OLFM1: variants seen among roughly 807,000 people sequenced by gnomAD.
OLFM1 encodes the protein olfactomedin 1.
Under a neutral mutation model 49.7 loss-of-function variants are expected in OLFM1, and 9 were observed. The observed-to-expected ratio is 0.18, with a 90% CI of 0.11 to 0.32. The LOEUF is 0.32. OLFM1 is among the 10% of genes least tolerant of loss of function. The probability of loss-of-function intolerance (pLI) is 1.00; values close to 1 mark genes in which losing one functional copy is unlikely to be tolerated. For synonymous variants in OLFM1, 240 were observed against 271.8 expected (o/e 0.88, Z 1.15); for missense variants, 369 against 661.8 (o/e 0.56, Z 4.85).
At chr9:135,084,446 T>TC (rs1266531419), upstream of OLFM1, among the ~76,000 whole-genome samples, 446 of 37,528 alleles carry the variant, frequency 0.012, 21 homozygotes, top group African/African-American at 0.079. This position sits in a 1 kb window ranked among gnomAD's most constrained non-coding sequence, Gnocchi z 4.6. Flanking sequence ...CTCTATTATC[T>TC]CTCCTCTCTG....
Position 135,120,415 on chromosome 9 carries a change from C to T in OLFM1, c.*237C>T, listed in dbSNP as rs529339279. 8.0e-5 allele frequency: 45 copies of T among 563,690 alleles called. No individual in the cohort carries two copies. Among genetic ancestry groups the T allele is most frequent in the Non-Finnish European group, 1.1e-4 (36 of 317,496 alleles). 34.9% of individuals were successfully genotyped at this position (563,690 alleles called of 1,614,324 possible). A position where few individuals can be genotyped will look rare whatever the true frequency, so the allele number is the denominator to read the frequency against. ...GCTGGAACTGCAGCCCACGGCGCCC[C>T]GGTTTTCCTCCCCGCCCTGTCCCTC... On this transcript the variant is annotated 3_prime_UTR_variant, in exon 6 of 6. Transcript: ENST00000371793.
chr9:135,087,426 C>A (rs954968424), upstream of OLFM1: 2 of 1,544,110 alleles, frequency 1.3e-6, no homozygotes, highest in Admixed American at 2.0e-5. Context: ...CAGCTGGAGT[C>A]CCCGCGCCGC....
Position 135,098,099 on chromosome 9 carries a change from C to G in OLFM1, c.457-187C>G. ...TTCTAAACTGACAATAAAGACCTTT[C>G]CCAAATATGCTGGTGTTCTGAGGAC... On this transcript the variant is annotated intron_variant, in intron 3 of 5. Transcript: ENST00000371793. This position sits in a 1 kb window ranked among gnomAD's most constrained non-coding sequence, Gnocchi z 5.6. The G allele has an allele frequency of 1.4e-6, 2 of 1,432,244 alleles. No homozygotes were observed. Among genetic ancestry groups the G allele is most frequent in the Non-Finnish European group, 1.8e-6 (2 of 1,100,136 alleles). 88.7% of individuals were successfully genotyped at this position (1,432,244 alleles called of 1,614,324 possible).
upstream of OLFM1, chr9:135,087,197 G>A: frequency 7.2e-7 from 1 of 1,391,588 alleles, no homozygotes; most frequent in South Asian, 1.6e-5. Flanking sequence ...GAGTCTGGCT[G>A]CTTTTCGGAG....
chr9:135,096,232 CCTT>C (rs1362106139), intron 3 of OLFM1, among the ~76,000 whole-genome samples: 7 of 136,752 alleles, frequency 5.1e-5, no homozygotes, highest in African/African-American at 1.4e-4. Context: ...TCCTCCCTCT[CCTT>C]CTTCTCCTCC....
At chr9:135,100,193 A>C (rs1447817426) in intron 4 of OLFM1, among the ~76,000 whole-genome samples, 2 of 152,220 alleles carry the variant, frequency 1.3e-5, no homozygotes, top group African/African-American at 2.4e-5. Flanking sequence ...CACATTTTCC[A>C]ATCAAGGAAT....
intron 4 of OLFM1, among the ~76,000 whole-genome samples, chr9:135,101,164 G>A (rs949634400): frequency 6.6e-6 from 1 of 152,184 alleles, no homozygotes; most frequent in Non-Finnish European, 1.5e-5. Flanking sequence ...CTTCTGCAAG[G>A]TGGAGCCGGC....
chr9:135,089,403 C>T (rs1367110982), intron 1 of OLFM1, among the ~76,000 whole-genome samples: 1 of 152,068 alleles, frequency 6.6e-6, no homozygotes, highest in Admixed American at 6.5e-5. Flanking sequence ...TCAGGAGTGC[C>T]CGCCCCGGTA....
At position 135,087,985 on chromosome 9, in the gene OLFM1, G is replaced by A. The variant is rs749923439; in HGVS notation, c.-5G>A. 76 of 1,442,946 alleles carry A rather than the reference G, an allele frequency of 5.3e-5. No homozygotes were observed. Among genetic ancestry groups the A allele is most frequent in the Non-Finnish European group, 6.8e-5 (74 of 1,088,162 alleles). The allele number at this position is 1,442,946 out of a possible 1,614,324, so 89.4% of individuals were successfully genotyped here. On this transcript the variant is annotated 5_prime_UTR_variant, in exon 1 of 6. Transcript: ENST00000371793. ...GAGCGGGCGCTGGAGGCAGCTCGAG[G>A]CGCGATGTCGGTGCCGCTGCTCAAG...
At chr9:135,087,208 C>G, upstream of OLFM1, 1 of 1,394,912 alleles carries the variant, frequency 7.2e-7, no homozygotes, top group Non-Finnish European at 9.3e-7. Flanking sequence ...CTTTTCGGAG[C>G]CTGCCCTGCC....
chr9:135,085,389 C>T (rs648988), upstream of OLFM1, among the ~76,000 whole-genome samples: 96,485 of 152,200 alleles, frequency 0.63, 30,902 homozygotes, highest in Middle Eastern at 0.72. Flanking sequence ...ACGAGGATGC[C>T]ACCATGTGTA....
In OLFM1 at chr9:135,106,875, A is replaced by G; in HGVS notation, c.783+20A>G. ...AACCGGGTGAGTGTCCCCTTATGTC[A>G]TAGGGGGTCATTTGGGCAAGGGCGC... is the stretch of plus-strand genomic sequence containing the variant. On this transcript the variant is annotated intron_variant, in intron 5 of 5. Coordinates refer to ENST00000371793, the MANE Select transcript of OLFM1 (RefSeq NM_001282611.2). 6.3e-7 allele frequency: 1 copy of G among 1,576,028 alleles called. No homozygotes were observed. The highest frequency in any genetic ancestry group is 8.6e-7 in the Non-Finnish European group (1 of 1,158,084).
chr9:135,094,195 G>T (rs1830754693), intron 2 of OLFM1, among the ~76,000 whole-genome samples: 1 of 152,160 alleles, frequency 6.6e-6, no homozygotes, highest in South Asian at 2.1e-4. Context: ...CCGTGCACTA[G>T]ATTTACTGGA....
chr9:135,107,716 G>C (rs1035696989), intron 5 of OLFM1, among the ~76,000 whole-genome samples: 1 of 152,224 alleles, frequency 6.6e-6, no homozygotes, highest in Admixed American at 6.5e-5. Context: ...TCAGGGGTTT[G>C]CAGGACACTT....
chr9:135,106,764 C>T lies in OLFM1; in HGVS notation c.692C>T (p.Thr231Met), dbSNP rs1274655533. 3.1e-6 allele frequency: 5 copies of T among 1,613,410 alleles called. No homozygotes were observed. The highest frequency in any genetic ancestry group is 4.2e-6 in the Non-Finnish European group (5 of 1,179,788). The part of the protein sequence containing the change: ...CMQKLACGKL[T>M]GISDPVTVKT... The stretch of plus-strand genomic sequence containing the variant: ...TCTTTTCCAGCTTGCGGGAAGTTGA[C>T]GGGCATCAGTGACCCCGTGACTGTC... Residue 231 changes from threonine (T) to methionine (M), a missense_variant, in exon 5 of 6, where the codon ACG becomes ATG. Thr to Met is a moderately conservative substitution (Grantham distance 81, BLOSUM62 -1). Around this residue, in one of 3 missense-constraint regions of OLFM1, gnomAD observed 294 missense variants for 567.5 expected, o/e 0.52. Coordinates refer to ENST00000371793, the MANE Select transcript of OLFM1 (RefSeq NM_001282611.2).
chr9:135,120,231 G>A lies in OLFM1; in HGVS notation c.*53G>A. The A allele has an allele frequency of 6.8e-7, 1 of 1,465,284 alleles. No individual in the cohort carries two copies. The highest frequency in any genetic ancestry group is 9.2e-7 in the Non-Finnish European group (1 of 1,081,116). The allele number at this position is 1,465,284 out of a possible 1,614,324, so 90.8% of individuals were successfully genotyped here. Reference sequence around the variant, plus strand: ...ACGTCCTCACCACAAAGGGACTCCTGTGAAACTGCTGCCAAAAAGATACCA... The same window carrying A: ...ACGTCCTCACCACAAAGGGACTCCTATGAAACTGCTGCCAAAAAGATACCA... On this transcript the variant is annotated 3_prime_UTR_variant, in exon 6 of 6. Coordinates refer to ENST00000371793, the MANE Select transcript of OLFM1 (RefSeq NM_001282611.2).
At position 135,091,686 on chromosome 9, in the gene OLFM1, C is replaced by CACACACACACAG. The variant is rs879403147; in HGVS notation, c.300+1342_300+1343insACACACACACAG. Among the ~76,000 whole-genome samples, 22 of 39,032 alleles carry CACACACACACAG rather than the reference C, an allele frequency of 5.6e-4. 3 individuals carry two copies. Among genetic ancestry groups the CACACACACACAG allele is most frequent in the Admixed American group, 1.1e-3 (4 of 3,690 alleles). 25.6% of individuals were successfully genotyped at this position (39,032 alleles called of 152,430 possible). ...ACACAGTCACACACTCACACATAGT[C>CACACACACACAG]TCACACACACACAGTCACACTCACA... On this transcript the variant is annotated intron_variant, in intron 2 of 5. Transcript: ENST00000371793.
In OLFM1 at chr9:135,088,631, G is replaced by A. The variant is rs903940815; in HGVS notation, c.150+492G>A. On this transcript the variant is annotated intron_variant, in intron 1 of 5. Coordinates refer to ENST00000371793, the MANE Select transcript of OLFM1 (RefSeq NM_001282611.2). This position sits in a 1 kb window ranked among gnomAD's most constrained non-coding sequence, Gnocchi z 4.8. ...AGCCAGACTGGCCGGACCGGGCTGG[G>A]AGTGGGGCCCCAGCCGGTGGGCTCC... is the stretch of plus-strand genomic sequence containing the variant. 2.6e-5 allele frequency among the ~76,000 whole-genome samples: 4 copies of A among 151,988 alleles called. No individual in the cohort carries two copies. Among genetic ancestry groups the A allele is most frequent in the African/African-American group, 4.8e-5 (2 of 41,392 alleles).
At chr9:135,111,424 T>C (rs566044943) in intron 5 of OLFM1, among the ~76,000 whole-genome samples, 2 of 152,202 alleles carry the variant, frequency 1.3e-5, no homozygotes, top group East Asian at 3.9e-4. Flanking sequence ...GCATGGCCCA[T>C]TGAACTGGAG....
Sources: allele counts gnomAD v4.1 joint callset (sites outside exome capture counted in the v4.1 genomes callset), GRCh38; gene constraint gnomAD v4.1.1; regional missense constraint gnomAD v4.1.1; non-coding constraint Gnocchi (gnomAD v3.1); transcripts MANE v1.5; gene names NCBI Gene and HGNC (gene_info 2026-07-23, HGNC 2026-07-21).